The following DNAJC12 variants were observed in gnomAD, a reference collection of about 807,000 sequenced individuals.
DNAJC12 encodes dnaJ homolog subfamily C member 12.
A neutral mutation model predicts 28.5 loss-of-function variants in DNAJC12; 25 were observed. That is an observed-to-expected ratio of 0.88 (90% CI 0.64 to 1.22). DNAJC12 has a LOEUF of 1.22. Among genes scored for constraint, DNAJC12 ranks in the 50% most tolerant of loss-of-function variants. The pLI is 0.00. For synonymous variants in DNAJC12, 77 were observed against 80.6 expected, an observed-to-expected ratio of 0.95 and a Z score of 0.24; for missense variants, 222 against 231.7, an observed-to-expected ratio of 0.96 and a Z score of 0.27.
chr10:67,818,295 A>T (rs1841935949), intron 2 of DNAJC12, among the ~76,000 whole-genome samples: 1 of 152,230 alleles, frequency 6.6e-6, no homozygotes, highest in East Asian at 1.9e-4. Flanking sequence ...GTATTAATGA[A>T]AACTGAGTAA....
At chr10:67,821,217 A>G (rs918889021) in intron 2 of DNAJC12, among the ~76,000 whole-genome samples, 2 of 152,170 alleles carry the variant, frequency 1.3e-5, no homozygotes, top group Non-Finnish European at 2.9e-5. Context: ...AAACATAACT[A>G]TCAAATTTAA....
chr10:67,816,807 A>G (rs760450673), intron 2 of DNAJC12, among the ~76,000 whole-genome samples: 1 of 152,176 alleles, frequency 6.6e-6, no homozygotes, highest in Non-Finnish European at 1.5e-5. Flanking sequence ...TTGGCCTCCC[A>G]AAGTGCTGGG....
rs78162003 is a variant in DNAJC12, at chr10:67,805,469, A to G, written c.502+114T>C. The G allele has an allele frequency of 4.9e-3, 5,457 of 1,120,332 alleles. 194 individuals are homozygous for G. The African/African-American group carries it at 0.077, about 16-fold the overall frequency. 69.4% of individuals were successfully genotyped at this position (1,120,332 alleles called of 1,614,324 possible). A position where few individuals can be genotyped will look rare whatever the true frequency, so the allele number is the denominator to read the frequency against. ...AAGTGTCTTTTAAGATGATAAACCA[A>G]TCTTTAAACTTGGCACTGCTGTGCA... On this transcript the variant is annotated intron_variant, in intron 4 of 4. Coordinates refer to ENST00000225171, the MANE Select transcript of DNAJC12 (RefSeq NM_021800.3).
chr10:67,825,313 G>A (rs1274409610), intron 1 of DNAJC12: 1 of 152,198 alleles, frequency 6.6e-6, no homozygotes, highest in East Asian at 1.9e-4. Context: ...TTCTTTCAGA[G>A]ACAGTCTTGC....
chr10:67,796,999 A>C lies in DNAJC12; in HGVS notation c.*117T>G. 2.9e-6 allele frequency: 2 copies of C among 697,342 alleles called. No homozygotes were observed. The highest frequency in any genetic ancestry group is 4.4e-5 in the South Asian group (2 of 45,610). The allele number at this position is 697,342 out of a possible 1,614,324, so 43.2% of individuals were successfully genotyped here. On this transcript the variant is annotated 3_prime_UTR_variant, in exon 5 of 5. Coordinates refer to ENST00000225171, the MANE Select transcript of DNAJC12 (RefSeq NM_021800.3). ...TTCAAGGATGGAGGAATCAATTAGT[A>C]CTCAGCAATTCACAGACATGACATA...
At chr10:67,811,492 C>T (rs1448778245) in intron 3 of DNAJC12, 32 bp downstream of exon 3, 1 of 1,613,198 alleles carries the variant, frequency 6.2e-7, no homozygotes. Context: ...CTGAGCTTCA[C>T]AAATTCACGT....
intron 4 of DNAJC12, among the ~76,000 whole-genome samples, chr10:67,800,186 C>A (rs1050593248): frequency 7.3e-6 from 1 of 136,190 alleles, no homozygotes; most frequent in African/African-American, 2.8e-5. Context: ...CACACCACTG[C>A]ACTCCAGCCT....
At chr10:67,833,792 G>T in intron 1 of DNAJC12, 2 of 496,224 alleles carry the variant, frequency 4.0e-6, no homozygotes, top group South Asian at 3.0e-5. Context: ...CAGTTGGACT[G>T]ACCATTGCTG....
chr10:67,807,171 G>A (rs953148840), intron 3 of DNAJC12, among the ~76,000 whole-genome samples: 23 of 151,630 alleles, frequency 1.5e-4, no homozygotes, highest in African/African-American at 2.4e-5. Flanking sequence ...TGAGGCACGA[G>A]AATCACTTGA....
chr10:67,812,594 G>A (rs750177336), intron 2 of DNAJC12, among the ~76,000 whole-genome samples: 3 of 150,846 alleles, frequency 2.0e-5, no homozygotes, highest in South Asian at 2.1e-4. Context: ...CTGTAATCCC[G>A]GCACTTCGGG....
intron 1 of DNAJC12, among the ~76,000 whole-genome samples, chr10:67,834,388 G>A (rs560566881): frequency 7.0e-4 from 107 of 152,214 alleles, no homozygotes; most frequent in African/African-American, 2.4e-3. Context: ...AACACTGTGG[G>A]GGCCAAAACA....
At chr10:67,802,838 CGTGTGTGTGT>C (rs71006167) in intron 4 of DNAJC12, among the ~76,000 whole-genome samples, 1 of 143,030 alleles carries the variant, frequency 7.0e-6, no homozygotes, top group Non-Finnish European at 1.5e-5. Flanking sequence ...AGTTATTGTG[CGTGTGTGTGT>C]GTGTGTGTGT....
chr10:67,797,433 TA>T (rs1433955860), intron 4 of DNAJC12, among the ~76,000 whole-genome samples: 2 of 152,216 alleles, frequency 1.3e-5, no homozygotes, highest in Non-Finnish European at 2.9e-5. Context: ...CTCACATGCT[TA>T]AATACTTAAT....
intron 4 of DNAJC12, among the ~76,000 whole-genome samples, chr10:67,797,508 G>A (rs1467333809): frequency 2.7e-5 from 4 of 150,932 alleles, no homozygotes; most frequent in African/African-American, 7.3e-5. Context: ...AAAGAAATTT[G>A]AAACAAATTA....
At chr10:67,803,198 A>G (rs1038579433) in intron 4 of DNAJC12, among the ~76,000 whole-genome samples, 5 of 152,066 alleles carry the variant, frequency 3.3e-5, no homozygotes, top group Non-Finnish European at 7.4e-5. Context: ...TAATATTTTG[A>G]CCATTATATA....
At chr10:67,824,664 G>A (rs1842012170) in intron 1 of DNAJC12, among the ~76,000 whole-genome samples, 1 of 152,062 alleles carries the variant, frequency 6.6e-6, no homozygotes, top group African/African-American at 2.4e-5. Context: ...AATTACAGCA[G>A]CAGGAAACAA....
chr10:67,798,707 A>C (rs1841705526), intron 4 of DNAJC12, among the ~76,000 whole-genome samples: 1 of 150,832 alleles, frequency 6.6e-6, no homozygotes, highest in Non-Finnish European at 1.5e-5. Context: ...GAAAAGGTAC[A>C]CCAAAATTAA....
chr10:67,826,638 T>C (rs2131810815), intron 1 of DNAJC12, among the ~76,000 whole-genome samples: 1 of 133,410 alleles, frequency 7.5e-6, no homozygotes, highest in African/African-American at 2.8e-5. Flanking sequence ...TCATTATATA[T>C]AAGATATCTA....
intron 2 of DNAJC12, among the ~76,000 whole-genome samples, chr10:67,818,743 G>A (rs1193332678): frequency 6.6e-6 from 1 of 151,580 alleles, no homozygotes; most frequent in Non-Finnish European, 1.5e-5. Flanking sequence ...TGCAACATCT[G>A]CTCCCGGGTT....
Sources: allele counts gnomAD v4.1 joint callset (sites outside exome capture counted in the v4.1 genomes callset), GRCh38; gene constraint gnomAD v4.1.1; transcripts MANE v1.5; gene names NCBI Gene and HGNC (gene_info 2026-07-23, HGNC 2026-07-21).